The following ARHGEF38 variants were observed in gnomAD, a reference collection of about 807,000 sequenced individuals.
ARHGEF38 encodes the protein Rho guanine nucleotide exchange factor 38.
Under a neutral mutation model 79.9 loss-of-function variants are expected in ARHGEF38, and 79 were observed. That is an observed-to-expected ratio of 0.99 (90% CI 0.82 to 1.19). The LOEUF is 1.19. Ranked by LOEUF, ARHGEF38 falls within the 50% of genes most tolerant of loss-of-function variation. The probability of loss-of-function intolerance (pLI) is 0.00; values close to 1 mark genes in which losing one functional copy is unlikely to be tolerated. For missense variants in ARHGEF38, 962 were observed against 907.2 expected (o/e 1.06, Z -0.78); for synonymous variants, 366 against 328.3 (o/e 1.11, Z -1.24).
intron 1 of ARHGEF38, among the ~76,000 whole-genome samples, chr4:105,554,920 C>A (rs557921741): frequency 3.3e-5 from 5 of 150,600 alleles, no homozygotes; most frequent in Admixed American, 2.7e-4. Flanking sequence ...CAGGAAAAGC[C>A]CATTGCTTTA....
At chr4:105,555,213 T>G (rs1190582477) in intron 1 of ARHGEF38, among the ~76,000 whole-genome samples, 1 of 152,144 alleles carries the variant, frequency 6.6e-6, no homozygotes, top group Non-Finnish European at 1.5e-5. Context: ...TAATACATGC[T>G]TCTAGTCTGT....
intron 13 of ARHGEF38, among the ~76,000 whole-genome samples, chr4:105,668,476 A>C (rs968976929): frequency 1.2e-4 from 18 of 152,196 alleles, no homozygotes; most frequent in African/African-American, 4.3e-4. Context: ...ATCTTTTTGC[A>C]AAATGGTAAG....
Position 105,666,188 on chromosome 4 carries a change from G to T in ARHGEF38, c.1557G>T (p.Leu519Phe). 1 of 1,522,904 alleles carries T rather than the reference G, an allele frequency of 6.6e-7. No individual in the cohort carries two copies. The highest frequency in any genetic ancestry group is 2.1e-5 in the Admixed American group (1 of 48,124). The allele number at this position is 1,522,904 out of a possible 1,614,324, so 94.3% of individuals were successfully genotyped here. ...AYSTLVPMPL[L>F]VSSISEIQNQ... Reference sequence around the variant, plus strand: ...ATTTCTACCTATAGATGCCACTGTTGGTTTCAAGCATTTCTGAGATTCAGA... The same window carrying T: ...ATTTCTACCTATAGATGCCACTGTTTGTTTCAAGCATTTCTGAGATTCAGA... The change falls in exon 11 of 14, where the codon TTG becomes TTT. Residue 519 changes from leucine to phenylalanine, a missense_variant. By Grantham distance (22) the Leu-to-Phe change is conservative. Coordinates refer to ENST00000420470, the MANE Select transcript of ARHGEF38 (RefSeq NM_001242729.2).
chr4:105,584,574 A>C (rs1439219222), intron 1 of ARHGEF38, among the ~76,000 whole-genome samples: 1 of 152,220 alleles, frequency 6.6e-6, no homozygotes, highest in Non-Finnish European at 1.5e-5. Flanking sequence ...GAACCCAGGC[A>C]GTCTGGCTCC....
chr4:105,649,319 T>C (rs1729991380), intron 7 of ARHGEF38, among the ~76,000 whole-genome samples: 1 of 152,190 alleles, frequency 6.6e-6, no homozygotes, highest in African/African-American at 2.4e-5. Flanking sequence ...TCTTAAACTT[T>C]AATGTGCATT....
chr4:105,604,302 A>G (rs1176996155), intron 2 of ARHGEF38, among the ~76,000 whole-genome samples: 1 of 152,096 alleles, frequency 6.6e-6, no homozygotes, highest in Non-Finnish European at 1.5e-5. Flanking sequence ...TCCTGGAAAC[A>G]CCAGAATTTA....
chr4:105,561,694 C>A (rs1171403611), intron 1 of ARHGEF38: 2 of 151,898 alleles, frequency 1.3e-5, no homozygotes, highest in Non-Finnish European at 2.9e-5. Context: ...GTGACTAGGA[C>A]CTGTGAATTG....
At chr4:105,646,544 C>A (rs1729848493) in intron 6 of ARHGEF38, among the ~76,000 whole-genome samples, 1 of 152,124 alleles carries the variant, frequency 6.6e-6, no homozygotes, top group South Asian at 2.1e-4. Flanking sequence ...CTTGGAATCA[C>A]TAGTTTAGAG....
rs1477685296 is a variant in ARHGEF38, at chr4:105,645,337, T to C, written c.824T>C (p.Val275Ala). The C allele has an allele frequency of 6.5e-7, 1 of 1,533,056 alleles. No individual in the cohort carries two copies. The highest frequency in any genetic ancestry group is 8.7e-7 in the Non-Finnish European group (1 of 1,146,168). 95.0% of individuals were successfully genotyped at this position (1,533,056 alleles called of 1,614,324 possible). A position where few individuals can be genotyped will look rare whatever the true frequency, so the allele number is the denominator to read the frequency against. ...YRALDDAFAA[V>A]KDINVNINEL... is the part of the protein sequence containing the mutation. Reference sequence around the variant, plus strand: ...GCACTGGACGATGCCTTTGCTGCTGTGAAGGACATTAATGTTAACATCAAT... The same window carrying C: ...GCACTGGACGATGCCTTTGCTGCTGCGAAGGACATTAATGTTAACATCAAT... The change falls in exon 6 of 14, where the codon GTG becomes GCG. Residue 275 changes from valine (V) to alanine (A), a missense_variant. Coordinates refer to ENST00000420470, the MANE Select transcript of ARHGEF38 (RefSeq NM_001242729.2).
intron 1 of ARHGEF38, among the ~76,000 whole-genome samples, chr4:105,586,718 C>A (rs905458782): frequency 6.6e-6 from 1 of 152,080 alleles, no homozygotes; most frequent in African/African-American, 2.4e-5. Context: ...GGTTTAGAAC[C>A]TGGAAAAGCA....
intron 5 of ARHGEF38, among the ~76,000 whole-genome samples, chr4:105,643,812 T>C (rs980072025): frequency 2.6e-5 from 4 of 152,064 alleles, no homozygotes; most frequent in African/African-American, 9.7e-5. Context: ...TGATAATACA[T>C]TCTTTTGTTT....
intron 3 of ARHGEF38, among the ~76,000 whole-genome samples, chr4:105,625,909 A>G (rs1352575883): frequency 6.6e-6 from 1 of 152,088 alleles, no homozygotes; most frequent in Non-Finnish European, 1.5e-5. Context: ...CTTTGTGGCT[A>G]TGCCTTCTCA....
chr4:105,576,499 T>C (rs548043461), intron 1 of ARHGEF38, among the ~76,000 whole-genome samples: 13 of 152,056 alleles, frequency 8.5e-5, no homozygotes, highest in African/African-American at 3.1e-4. Flanking sequence ...CAAGCAGCAC[T>C]GCTGATTTGT....
rs1731227354 is a variant in ARHGEF38, at chr4:105,679,282, C to A, written c.*1345C>A. ...GTAATTTAGCTGGCACTGAGAGTAT[C>A]CAGCCGGAATCATGCCACTTTGCCT... On this transcript the variant is annotated 3_prime_UTR_variant, in exon 14 of 14. Coordinates refer to ENST00000420470, the MANE Select transcript of ARHGEF38 (RefSeq NM_001242729.2). The A allele has an allele frequency of 2.8e-6, 2 of 713,226 alleles. No homozygotes were observed. Among genetic ancestry groups the A allele is most frequent in the Non-Finnish European group, 5.0e-6 (2 of 400,266 alleles). The allele number at this position is 713,226 out of a possible 1,614,324, so 44.2% of individuals were successfully genotyped here.
intron 8 of ARHGEF38, among the ~76,000 whole-genome samples, chr4:105,655,021 T>C (rs568868012): frequency 1.3e-5 from 2 of 152,340 alleles, no homozygotes; most frequent in South Asian, 2.1e-4. Context: ...ATTTATTATC[T>C]GATACAAAGC....
At chr4:105,612,972 C>T (rs1366398461) in intron 2 of ARHGEF38, among the ~76,000 whole-genome samples, 1 of 152,030 alleles carries the variant, frequency 6.6e-6, no homozygotes, top group Non-Finnish European at 1.5e-5. Context: ...TTTCAAACAT[C>T]TGTGGTTTAA....
intron 1 of ARHGEF38, among the ~76,000 whole-genome samples, chr4:105,573,577 T>C (rs905693172): frequency 7.2e-5 from 11 of 152,188 alleles, no homozygotes; most frequent in African/African-American, 2.4e-4. Flanking sequence ...TTCTGTTTCA[T>C]TAGTCTGTAT....
chr4:105,586,245 A>AGGGCCGGGCGCGGTGGCTCACACCTG (rs1553939053), intron 1 of ARHGEF38, among the ~76,000 whole-genome samples: 1 of 150,312 alleles, frequency 6.7e-6, no homozygotes, highest in African/African-American at 2.5e-5. Flanking sequence ...AAATGCAAAC[A>AGGGCCGGGCGCGGTGGCTCACACCTG]TAGAAAGTGT....
In ARHGEF38 at chr4:105,655,466, T is replaced by C. The variant is rs187131136; in HGVS notation, c.1114-137T>C. On this transcript the variant is annotated intron_variant, in intron 8 of 13. Transcript: ENST00000420470. Reference sequence around the variant, plus strand: ...GCAACCTGATTGTACAGAGCATTTATAAAATGTTTGTTGTTCCTTTTTAAA... The same window carrying C: ...GCAACCTGATTGTACAGAGCATTTACAAAATGTTTGTTGTTCCTTTTTAAA... 1,560 of 894,528 alleles carry C rather than the reference T, an allele frequency of 1.7e-3. 4 individuals carry two copies. The highest frequency in any genetic ancestry group is 4.0e-3 in the Admixed American group (137 of 33,850). The allele number at this position is 894,528 out of a possible 1,614,324, so 55.4% of individuals were successfully genotyped here. A position where few individuals can be genotyped will look rare whatever the true frequency, so the allele number is the denominator to read the frequency against.
Sources: gnomAD v4.1 joint callset for allele counts (sites outside exome capture counted in the v4.1 genomes callset) on GRCh38, gnomAD v4.1.1 for gene constraint, MANE v1.5 for transcripts, NCBI Gene and HGNC (gene_info 2026-07-23, HGNC 2026-07-21) for gene names.